Variants in FAT1 observed in about 807,000 individuals in gnomAD.
FAT1 encodes the protein FAT atypical cadherin 1, also known as protocadherin Fat 1.
FAT1 carries 171 observed loss-of-function variants against 329.8 expected under a neutral mutation model. That is an observed-to-expected ratio of 0.52 (90% CI 0.46 to 0.59). FAT1 has a LOEUF of 0.59. FAT1 is among the 20% of genes least tolerant of loss of function. FAT1 has a pLI of 0.00. For synonymous variants in FAT1, 2,233 were observed against 2,228.6 expected (o/e 1.00, Z -0.06); for missense variants, 5,672 against 5,774.4 (o/e 0.98, Z 0.57).
intron 3 of FAT1, among the ~76,000 whole-genome samples, chr4:186,656,008 G>A (rs551323794): frequency 1.3e-5 from 2 of 152,340 alleles, no homozygotes; most frequent in East Asian, 1.9e-4. Flanking sequence ...CCATACCACC[G>A]CCACTGAAGG....
At chr4:186,722,073 G>A (rs1745492150) in intron 1 of FAT1, among the ~76,000 whole-genome samples, 3 of 152,136 alleles carry the variant, frequency 2.0e-5, no homozygotes, top group Admixed American at 2.0e-4. Context: ...CCCGACCTCC[G>A]GTGATCCGCC....
rs202080269 is a variant in FAT1, at chr4:186,620,225, T to C, written c.6361A>G (p.Lys2121Glu). 3.6e-4 allele frequency: 582 copies of C among 1,614,032 alleles called. 2 individuals carry two copies. The African/African-American group carries it at 7.2e-3, about 20-fold the overall frequency. The change falls in exon 10 of 27, where the codon AAG becomes GAG. Residue 2121 changes from lysine (K) to glutamate (E), a missense_variant. Around this residue, in one of 2 missense-constraint regions of FAT1, gnomAD observed 3,966 missense variants for 3,915.2 expected, o/e 1.01. Transcript: ENST00000441802. The stretch of plus-strand genomic sequence containing the variant: ...ATTTGAAAGTGTTCATGATGTTCCT[T>C]GAGGTAGTAATGCACTTCCCCGTTT... ...GRNGEVHYYL[K>E]EHHEHFQIGP...
intron 1 of FAT1, among the ~76,000 whole-genome samples, chr4:186,714,805 C>G (rs929328390): frequency 6.6e-6 from 1 of 152,162 alleles, no homozygotes; most frequent in African/African-American, 2.4e-5. Flanking sequence ...TCCAGCTGGG[C>G]GCGGTGGCTC....
chr4:186,606,869 C>T (rs768788719), intron 16 of FAT1, among the ~76,000 whole-genome samples: 1 of 152,216 alleles, frequency 6.6e-6, no homozygotes, highest in Non-Finnish European at 1.5e-5. Flanking sequence ...GGCTAGATCC[C>T]AGAGTATGTT....
intron 1 of FAT1, among the ~76,000 whole-genome samples, chr4:186,720,127 A>G (rs1442485009): frequency 2.0e-5 from 3 of 152,236 alleles, no homozygotes; most frequent in Non-Finnish European, 4.4e-5. Context: ...TCTTGAGCCA[A>G]TAACACCACC....
chr4:186,628,164 C>T lies in FAT1; in HGVS notation c.4800G>A (p.Ser1600=), dbSNP rs373225972. 2.7e-5 allele frequency: 44 copies of T among 1,613,532 alleles called. No individual in the cohort carries two copies. Among genetic ancestry groups the T allele is most frequent in the Non-Finnish European group, 3.3e-5 (39 of 1,179,766 alleles). Residue 1600 remains serine (S), a synonymous_variant, in exon 9 of 27, where the codon TCG becomes TCA. Coordinates refer to ENST00000441802, the MANE Select transcript of FAT1 (RefSeq NM_005245.4). ...AGGCTCCAAAAGTACCTGACTCGAT[C>T]GAGTACAGCACTTCAGCATTTTTCC... ...DKGKNAEVLY[S]IESGNIGNSF...
At position 186,709,778 on chromosome 4, in the gene FAT1, T is replaced by C. The variant is rs770129683; in HGVS notation, c.50A>G (p.His17Arg). Residue 17 changes from histidine (H) to arginine (R), a missense_variant, in exon 2 of 27, where the codon CAT becomes CGT. Physicochemically the swap from His to Arg is conservative, Grantham distance 29. Around this residue, in one of 2 missense-constraint regions of FAT1, gnomAD observed 3,966 missense variants for 3,915.2 expected, o/e 1.01. Coordinates refer to ENST00000441802, the MANE Select transcript of FAT1 (RefSeq NM_005245.4). ...LLLLLLLLFQHFGDSDGSQRL... is the reference protein window; with the variant it reads ...LLLLLLLLFQRFGDSDGSQRL... ...TTGGCTGCCATCACTGTCTCCAAAA[T>C]GTTGGAAGAGAAGGAGCAGAAGCAG... 3.1e-6 allele frequency: 5 copies of C among 1,612,092 alleles called. No individual in the cohort carries two copies. The highest frequency in any genetic ancestry group is 2.2e-5 in the East Asian group (1 of 44,850).
chr4:186,668,857 G>A (rs2126628744), intron 2 of FAT1, among the ~76,000 whole-genome samples: 1 of 152,192 alleles, frequency 6.6e-6, no homozygotes, highest in Admixed American at 6.5e-5. Flanking sequence ...AAGACATCCA[G>A]TCATCACTGG....
In FAT1 at chr4:186,596,837, A is replaced by T. The variant is rs971911289; in HGVS notation, c.12703T>A (p.Ser4235Thr). The change falls in exon 25 of 27, where the codon TCC (serine) becomes ACC (threonine). Residue 4235 changes from serine (S) to threonine (T), a missense_variant. This residue lies in a region of FAT1 where 1,706 missense variants were observed against 1,859.1 expected (regional missense o/e 0.92). Coordinates refer to ENST00000441802, the MANE Select transcript of FAT1 (RefSeq NM_005245.4). The surrounding 1 kb of genome is among the most constrained non-coding windows in gnomAD (Gnocchi z 4.7). ...TAFLQRPYFD[S>T]KLNKNIYSDI... is the part of the protein sequence containing the mutation. Reference sequence around the variant, plus strand: ...GAGTAAATGTTCTTATTTAGCTTGGAATCAAAATACGGTCTTTGCAAGAAA... The same window carrying T: ...GAGTAAATGTTCTTATTTAGCTTGGTATCAAAATACGGTCTTTGCAAGAAA... 6.2e-7 allele frequency: 1 copy of T among 1,613,826 alleles called. No individual in the cohort carries two copies. Among genetic ancestry groups the T allele is most frequent in the Non-Finnish European group, 8.5e-7 (1 of 1,179,882 alleles).
chr4:186,595,749 C>G lies in FAT1; in HGVS notation c.13078G>C (p.Glu4360Gln). ...AGAGACTGCACTTCAGACAGGCTTT[C>G]CCGGGCACTGTATGGCTGGGAAGGC... is the stretch of plus-strand genomic sequence containing the variant. ...EKPSQPYSAR[E>Q]SLSEVQSLSS... The change falls in exon 26 of 27, where the codon GAA becomes CAA. Residue 4360 changes from glutamate to glutamine, a missense_variant. Physicochemically the swap from Glu to Gln is conservative, Grantham distance 29. Around this residue, in one of 2 missense-constraint regions of FAT1, gnomAD observed 1,706 missense variants for 1,859.1 expected, o/e 0.92. Transcript: ENST00000441802. 1.2e-6 allele frequency: 2 copies of G among 1,613,954 alleles called. No individual in the cohort carries two copies. Among genetic ancestry groups the G allele is most frequent in the Non-Finnish European group, 1.7e-6 (2 of 1,179,884 alleles).
intron 14 of FAT1, among the ~76,000 whole-genome samples, chr4:186,610,617 TATA>T (rs1304678094): frequency 7.9e-6 from 1 of 126,534 alleles, no homozygotes; most frequent in Admixed American, 9.1e-5. Flanking sequence ...ATATAAATTA[TATA>T]AATATAAATT....
chr4:186,671,099 G>A (rs1305736488), intron 2 of FAT1, among the ~76,000 whole-genome samples: 1 of 152,114 alleles, frequency 6.6e-6, no homozygotes, highest in Non-Finnish European at 1.5e-5. Flanking sequence ...CTCATAATAT[G>A]TAGATTGTTT....
chr4:186,726,127 CT>C (rs1192251237), upstream of FAT1, among the ~76,000 whole-genome samples: 1 of 152,214 alleles, frequency 6.6e-6, no homozygotes, highest in African/African-American at 2.4e-5. Context: ...CTCTCAAGTT[CT>C]TTTTAACAGT....
chr4:186,639,870 C>CGGTA, intron 3 of FAT1, 87 bp from the exon 4 acceptor site: 2 of 1,148,798 alleles, frequency 1.7e-6, no homozygotes, highest in Non-Finnish European at 2.6e-6. Flanking sequence ...TGGCCAGGTG[C>CGGTA]GGTAGCTCAT....
chr4:186,675,824 C>CACACAA (rs940502653), intron 2 of FAT1, among the ~76,000 whole-genome samples: 1 of 134,106 alleles, frequency 7.5e-6, no homozygotes, highest in African/African-American at 2.9e-5. Flanking sequence ...CACACACACA[C>CACACAA]AATTAATTTT....
At chr4:186,723,462 C>T (rs1358606106) in intron 1 of FAT1, among the ~76,000 whole-genome samples, 2 of 152,208 alleles carry the variant, frequency 1.3e-5, no homozygotes, top group Non-Finnish European at 2.9e-5. Flanking sequence ...TCCCGCTCCG[C>T]CGCCGGGACC....
chr4:186,720,586 C>A (rs1369782276), intron 1 of FAT1, among the ~76,000 whole-genome samples: 2 of 152,220 alleles, frequency 1.3e-5, no homozygotes, highest in Non-Finnish European at 2.9e-5. Context: ...CCCAGATCCC[C>A]CAGCTCACTG....
At chr4:186,673,910 T>C (rs1483836448) in intron 2 of FAT1, among the ~76,000 whole-genome samples, 1 of 152,224 alleles carries the variant, frequency 6.6e-6, no homozygotes, top group Non-Finnish European at 1.5e-5. Flanking sequence ...TAAGCTCTAC[T>C]GTTAAAGAGG....
rs554536909 is a variant in FAT1, at chr4:186,596,631, G to A, written c.12909C>T (p.Ser4303=). ...GTGGGGGAGGCAGGTTTGGCGCCAC[G>A]CTGCAGACCGCCACTGCTTTTCGGT... ...HGHRKAVAVC[S]VAPNLPPPPP... is the part of the protein sequence containing the mutation. The change falls in exon 25 of 27, where the codon AGC becomes AGT. Residue 4303 remains serine (S), a synonymous_variant. Transcript: ENST00000441802. This position sits in a 1 kb window ranked among gnomAD's most constrained non-coding sequence, Gnocchi z 4.7. The A allele has an allele frequency of 2.1e-4, 346 of 1,610,374 alleles. 8 individuals carry two copies. In the South Asian group the frequency reaches 3.6e-3, roughly 17 times the overall value.
Sources: gnomAD v4.1 joint callset for allele counts (sites outside exome capture counted in the v4.1 genomes callset) on GRCh38, gnomAD v4.1.1 for gene constraint, gnomAD v4.1.1 regional missense constraint, Gnocchi (gnomAD v3.1) non-coding constraint, MANE v1.5 for transcripts, NCBI Gene and HGNC (gene_info 2026-07-23, HGNC 2026-07-21) for gene names.